Variants in HDAC4 observed in about 807,000 individuals in gnomAD.
The protein encoded by HDAC4 is histone deacetylase A.
Under a neutral mutation model 135.1 loss-of-function variants are expected in HDAC4, and 16 were observed. The ratio of observed to expected loss-of-function variants is 0.12; its 90% CI spans 0.08 to 0.18. HDAC4 has a LOEUF of 0.18. Ranked by LOEUF, HDAC4 falls within the 10% of genes least tolerant of loss-of-function variation. The probability of loss-of-function intolerance (pLI) is 1.00; values close to 1 mark genes in which losing one functional copy is unlikely to be tolerated. For synonymous variants in HDAC4, 685 were observed against 653.4 expected, an observed-to-expected ratio of 1.05 and a Z score of -0.74; for missense variants, 1,143 against 1,511.8, an observed-to-expected ratio of 0.76 and a Z score of 4.05.
chr2:239,226,969 TG>T (rs1184159017), intron 3 of HDAC4, among the ~76,000 whole-genome samples: 1 of 152,202 alleles, frequency 6.6e-6, no homozygotes, highest in Non-Finnish European at 1.5e-5. Context: ...GTGTGTGGAT[TG>T]TTTAGAAAGA....
chr2:239,049,097 ACT>A lies in HDAC4; in HGVS notation c.*3998_*3999del, dbSNP rs1372879756. On this transcript the variant is annotated 3_prime_UTR_variant, in exon 27 of 27. Coordinates refer to ENST00000543185, the MANE Select transcript of HDAC4 (RefSeq NM_001378414.1). ...GAATTCTGAGTAGTTTCCCTAAAAC[ACT>A]GTTTCCACATAAATACAATAAACTC... 2.0e-5 allele frequency: 3 copies of A among 152,428 alleles called. No individual in the cohort carries two copies. In the East Asian group the frequency reaches 5.8e-4, roughly 29 times the overall value. The allele number at this position is 152,428 out of a possible 1,614,324, so 9.4% of individuals were successfully genotyped here.
intron 2 of HDAC4, among the ~76,000 whole-genome samples, chr2:239,247,906 C>T (rs2048559056): frequency 6.6e-6 from 1 of 152,218 alleles, no homozygotes; most frequent in African/African-American, 2.4e-5. Flanking sequence ...GACCTGAAAG[C>T]ACCGCTCATT....
intron 13 of HDAC4, among the ~76,000 whole-genome samples, chr2:239,114,845 G>A (rs1024040270): frequency 6.6e-6 from 1 of 152,138 alleles, no homozygotes; most frequent in Non-Finnish European, 1.5e-5. Context: ...CCCACAGGGG[G>A]CAAACATCTC....
intron 4 of HDAC4, among the ~76,000 whole-genome samples, chr2:239,176,820 A>G (rs1388995878): frequency 6.6e-6 from 1 of 152,228 alleles, no homozygotes; most frequent in African/African-American, 2.4e-5. Context: ...GAAAATACGC[A>G]AGAAGAGTTA....
chr2:239,159,319 C>A (rs551828985), intron 6 of HDAC4, among the ~76,000 whole-genome samples: 2 of 151,336 alleles, frequency 1.3e-5, no homozygotes, highest in East Asian at 3.9e-4. Flanking sequence ...ACACTCACAC[C>A]TGCACTGCAC....
chr2:239,123,661 T>C (rs1228847368), intron 12 of HDAC4, among the ~76,000 whole-genome samples: 1 of 152,168 alleles, frequency 6.6e-6, no homozygotes, highest in East Asian at 1.9e-4. Flanking sequence ...CTTTGACCAC[T>C]GCGCCAGGGC....
intron 1 of HDAC4, among the ~76,000 whole-genome samples, chr2:239,398,212 A>G (rs964820597): frequency 2.6e-5 from 4 of 152,244 alleles, no homozygotes; most frequent in Admixed American, 1.3e-4. Context: ...TATATTACTC[A>G]TGGCAGCTTC....
chr2:239,149,287 C>A (rs1452467752), intron 7 of HDAC4, among the ~76,000 whole-genome samples: 1 of 151,840 alleles, frequency 6.6e-6, no homozygotes, highest in Non-Finnish European at 1.5e-5. Flanking sequence ...GTAGTCCCAG[C>A]TACTCAGGAG....
intron 3 of HDAC4, among the ~76,000 whole-genome samples, chr2:239,231,416 G>C (rs1215554166): frequency 1.3e-5 from 2 of 151,788 alleles, no homozygotes; most frequent in Admixed American, 1.3e-4. Context: ...GCGACCCTGG[G>C]ACAGCGGCCA....
Position 239,144,489 on chromosome 2 carries a change from G to A in HDAC4, c.865+94C>T, listed in dbSNP as rs966944523. On this transcript the variant is annotated intron_variant, in intron 8 of 26. Coordinates refer to ENST00000543185, the MANE Select transcript of HDAC4 (RefSeq NM_001378414.1). ...GGGGTTGACAGCGTGAGGCAGACAC[G>A]TGGGTTTTCAGAAGCTCCTGAGAGA... 2.0e-5 allele frequency: 31 copies of A among 1,512,432 alleles called. No individual in the cohort carries two copies. The Middle Eastern group carries it at 7.0e-4, about 34-fold the overall frequency. The allele number at this position is 1,512,432 out of a possible 1,614,324, so 93.7% of individuals were successfully genotyped here. A position where few individuals can be genotyped will look rare whatever the true frequency, so the allele number is the denominator to read the frequency against.
chr2:239,318,609 G>A (rs985463497), intron 2 of HDAC4, among the ~76,000 whole-genome samples: 1 of 151,110 alleles, frequency 6.6e-6, no homozygotes, highest in South Asian at 2.1e-4. Context: ...GAGTGACCAC[G>A]CTTATCTGAG....
intron 2 of HDAC4, among the ~76,000 whole-genome samples, chr2:239,286,454 G>C (rs2051141208): frequency 6.6e-6 from 1 of 152,156 alleles, no homozygotes; most frequent in Non-Finnish European, 1.5e-5. Flanking sequence ...GAAAGTAAAA[G>C]TCCAAGGAGA....
chr2:239,169,820 TCTC>T (rs1412537468), intron 5 of HDAC4, among the ~76,000 whole-genome samples: 3 of 151,972 alleles, frequency 2.0e-5, no homozygotes, highest in Non-Finnish European at 4.4e-5. Flanking sequence ...TGCCGCCCCG[TCTC>T]CTCAAGGCCT....
At chr2:239,383,496 G>C (rs573798598) in intron 1 of HDAC4, among the ~76,000 whole-genome samples, 1 of 152,292 alleles carries the variant, frequency 6.6e-6, no homozygotes, top group South Asian at 2.1e-4. Context: ...GCCGGAACAG[G>C]TGCCTCCTCA....
At chr2:239,284,897 T>TA (rs1325006218) in intron 2 of HDAC4, among the ~76,000 whole-genome samples, 2 of 152,056 alleles carry the variant, frequency 1.3e-5, no homozygotes, top group Non-Finnish European at 1.5e-5. Flanking sequence ...TTAATGTAAG[T>TA]AATTAGGGTA....
chr2:239,163,752 C>G (rs1387772691), intron 6 of HDAC4, 51 bp downstream of exon 6: 1 of 1,590,086 alleles, frequency 6.3e-7, no homozygotes, highest in African/African-American at 1.3e-5. Context: ...ATCAGACAGT[C>G]CTCTGGGCCC....
chr2:239,062,107 C>A (rs995519790), intron 24 of HDAC4, among the ~76,000 whole-genome samples: 2 of 152,274 alleles, frequency 1.3e-5, no homozygotes, highest in African/African-American at 4.8e-5. Flanking sequence ...ATGCAACACT[C>A]GTAGGGAACT....
chr2:239,113,487 T>G (rs2038862688), intron 13 of HDAC4, among the ~76,000 whole-genome samples: 1 of 152,230 alleles, frequency 6.6e-6, no homozygotes, highest in Non-Finnish European at 1.5e-5. Flanking sequence ...CTCGGCAAAT[T>G]GCTCCGTGTA....
At chr2:239,286,258 A>G (rs1011131698) in intron 2 of HDAC4, among the ~76,000 whole-genome samples, 1 of 152,250 alleles carries the variant, frequency 6.6e-6, no homozygotes, top group Non-Finnish European at 1.5e-5. Context: ...ACTTTCAAAA[A>G]TAATAAGTGT....
Sources: gnomAD v4.1 joint callset for allele counts (sites outside exome capture counted in the v4.1 genomes callset) on GRCh38, gnomAD v4.1.1 for gene constraint, MANE v1.5 for transcripts, NCBI Gene and HGNC (gene_info 2026-07-23, HGNC 2026-07-21) for gene names.